Variants in IDI2 observed in about 807,000 individuals in gnomAD.
IDI2 encodes isopentenyl-diphosphate delta isomerase 2.
IDI2 carries 18 observed loss-of-function variants against 14.8 expected under a neutral mutation model. That is an observed-to-expected ratio of 1.22 (90% confidence interval 0.84 to 1.80). The LOEUF (loss-of-function observed/expected upper bound fraction) is 1.80. Ranked by LOEUF, IDI2 falls within the 40% of genes most tolerant of loss-of-function variation. The probability of loss-of-function intolerance (pLI) is 0.00; values close to 1 mark genes in which losing one functional copy is unlikely to be tolerated. For synonymous variants in IDI2, 133 were observed against 109.6 expected (o/e 1.21, Z -1.33); for missense variants, 316 against 283.2 (o/e 1.12, Z -0.83).
chr10:1,024,566 A>G lies in IDI2; in HGVS notation c.142+16T>C, dbSNP rs1202617814. 2 of 1,613,542 alleles carry G rather than the reference A, an allele frequency of 1.2e-6. No individual in the cohort carries two copies. The highest frequency in any genetic ancestry group is 2.2e-5 in the South Asian group (2 of 91,048). ...AAAACCCTGGGAACTGGACAGAGAA[A>G]ATGGGCGGGGGCTACCTTTCTCAAT... On this transcript the variant is annotated intron_variant, in intron 2 of 4. Coordinates refer to ENST00000277517, the MANE Select transcript of IDI2 (RefSeq NM_033261.3).
intron 1 of IDI2, among the ~76,000 whole-genome samples, chr10:1,025,042 A>G (rs1176381325): frequency 1.0e-5 from 1 of 96,522 alleles, no homozygotes; most frequent in African/African-American, 4.1e-5. Context: ...ACACACACAC[A>G]CACACACACA....
chr10:1,020,798 A>G lies in IDI2; in HGVS notation c.335T>C (p.Leu112Pro). The G allele has an allele frequency of 6.2e-7, 1 of 1,613,446 alleles. No individual in the cohort carries two copies. The highest frequency in any genetic ancestry group is 8.5e-7 in the Non-Finnish European group (1 of 1,179,806). The change falls in exon 4 of 5, where the codon CTG becomes CCG. Residue 112 changes from leucine (L) to proline (P), a missense_variant. Coordinates refer to ENST00000277517, the MANE Select transcript of IDI2 (RefSeq NM_033261.3). ...CCCAGGAATTCCCAGCTCTGCTTGCAGACGCCTCTGGGCTGCCCTCCTCAC... is the reference window on the plus strand; with the variant it reads ...CCCAGGAATTCCCAGCTCTGCTTGCGGACGCCTCTGGGCTGCCCTCCTCAC... Reference protein sequence around the residue: ...IGVRRAAQRRLQAELGIPGEQ... With the variant: ...IGVRRAAQRRPQAELGIPGEQ...
intron 3 of IDI2, among the ~76,000 whole-genome samples, chr10:1,021,891 GT>G (rs1257695364): frequency 6.6e-6 from 1 of 152,188 alleles, no homozygotes; most frequent in Non-Finnish European, 1.5e-5. Context: ...GCAAGGTCTG[GT>G]TTTGAAAATT....
At chr10:1,023,609 T>G (rs1832156455) in intron 2 of IDI2, among the ~76,000 whole-genome samples, 1 of 152,096 alleles carries the variant, frequency 6.6e-6, no homozygotes, top group South Asian at 2.1e-4. Flanking sequence ...CTATGTGGGC[T>G]CTAAAGAAGT....
intron 2 of IDI2, among the ~76,000 whole-genome samples, chr10:1,024,268 T>A (rs1832171024): frequency 6.6e-6 from 1 of 152,176 alleles, no homozygotes; most frequent in Non-Finnish European, 1.5e-5. Context: ...GGGACGGGGT[T>A]GAGGAATTTA....
intron 4 of IDI2, 92 bp downstream of exon 4, chr10:1,020,675 A>G (rs557937881): frequency 2.7e-4 from 350 of 1,308,418 alleles, no homozygotes; most frequent in South Asian, 6.9e-4. Context: ...CATGAGGTCA[A>G]TGGTGTAGAT....
chr10:1,021,148 G>C (rs113243524), intron 3 of IDI2, among the ~76,000 whole-genome samples: 38 of 152,314 alleles, frequency 2.5e-4, no homozygotes, highest in African/African-American at 8.9e-4. Flanking sequence ...CCTTCCTGCA[G>C]ATGTGCACAC....
chr10:1,024,588 C>G lies in IDI2; in HGVS notation c.136G>C (p.Glu46Gln). ...KRNCHLNENI[E>Q]KGLLHRAFSV... ...GAAAATGGGCGGGGGCTACCTTTCT[C>G]AATGTTTTCGTTCAGATGGCAATTC... Residue 46 changes from glutamate to glutamine, a missense_variant, in exon 2 of 5, where the codon GAG (glutamate) becomes CAG (glutamine). Glu to Gln is a conservative substitution (Grantham distance 29). Coordinates refer to ENST00000277517, the MANE Select transcript of IDI2 (RefSeq NM_033261.3). The G allele has an allele frequency of 2.5e-6, 4 of 1,614,008 alleles. No homozygotes were observed. The highest frequency in any genetic ancestry group is 3.4e-6 in the Non-Finnish European group (4 of 1,179,986).
chr10:1,020,604 C>A (rs1832074630), intron 4 of IDI2, among the ~76,000 whole-genome samples, 163 bp downstream of exon 4: 1 of 152,076 alleles, frequency 6.6e-6, no homozygotes, highest in Non-Finnish European at 1.5e-5. Context: ...CCATTCACAG[C>A]CCCATTCACA....
At chr10:1,023,471 G>C (rs2132186679) in intron 2 of IDI2, among the ~76,000 whole-genome samples, 1 of 142,906 alleles carries the variant, frequency 7.0e-6, no homozygotes, top group Non-Finnish European at 1.5e-5. Flanking sequence ...GCAAGACTCT[G>C]TCTCAAAAAA....
rs142054626 is a variant in IDI2 at position 1,019,712 on chromosome 10, C to T, written c.489G>A (p.Pro163=). The T allele has an allele frequency of 2.0e-4, 324 of 1,613,996 alleles. No individual in the cohort carries two copies. Among genetic ancestry groups the T allele is most frequent in the East Asian group, 6.9e-4 (31 of 44,828 alleles). The stretch of plus-strand genomic sequence containing the variant: ...GGATGCTTTTCGTTTCACTGGGATC[C>T]GGGTTCAGAGTGACGTTTTTCCTCA... ...LLVRKNVTLN[P]DPSETKSILY... The change falls in exon 5 of 5, where the codon CCG becomes CCA. Residue 163 remains proline, a synonymous_variant. Transcript: ENST00000277517.
At chr10:1,019,982 A>C in intron 4 of IDI2, 148 bp from the exon 5 acceptor site, 1 of 672,054 alleles carries the variant, frequency 1.5e-6, no homozygotes, top group Non-Finnish European at 2.5e-6. Flanking sequence ...GATTTTAGCT[A>C]AGTAAATTTT....
intron 4 of IDI2, 138 bp downstream of exon 4, chr10:1,020,629 C>G: frequency 2.4e-6 from 2 of 841,338 alleles, no homozygotes; most frequent in Non-Finnish European, 3.6e-6. Flanking sequence ...ATTCACAGCC[C>G]CATCCACAGC....
intron 3 of IDI2, 110 bp downstream of exon 3, chr10:1,022,573 C>T (rs374887993): frequency 2.5e-6 from 2 of 802,096 alleles, no homozygotes; most frequent in East Asian, 5.0e-5. Flanking sequence ...GATGAGCTGC[C>T]AGCTCACCAC....
At chr10:1,022,407 TC>T (rs1480693535) in intron 3 of IDI2, among the ~76,000 whole-genome samples, 2 of 152,214 alleles carry the variant, frequency 1.3e-5, no homozygotes, top group African/African-American at 4.8e-5. Context: ...GTTGATAAAT[TC>T]CTCTGCATTT....
At position 1,019,559 on chromosome 10, in the gene IDI2, G is replaced by C; in HGVS notation, c.642C>G (p.Asp214Glu). The change falls in exon 5 of 5, where the codon GAC (aspartate) becomes GAG (glutamate). Residue 214 changes from aspartate to glutamate, a missense_variant. Transcript: ENST00000277517. The stretch of plus-strand genomic sequence containing the variant: ...TGTGAAGCTCCACAAACGGGGTCAC[G>C]TCATCCAGGTGAGGCCACCACCGGT... ...FLYRWWPHLD[D>E]VTPFVELHKI... The C allele has an allele frequency of 6.2e-7, 1 of 1,613,698 alleles. No homozygotes were observed. The highest frequency in any genetic ancestry group is 1.7e-4 in the Middle Eastern group (1 of 6,060).
intron 1 of IDI2, among the ~76,000 whole-genome samples, chr10:1,025,268 G>A (rs1196454514): frequency 5.9e-5 from 9 of 152,078 alleles, no homozygotes; most frequent in South Asian, 2.1e-4. Flanking sequence ...GGCCAGGAGC[G>A]GTGGCTCACG....
Position 1,019,637 on chromosome 10 carries a change from C to G in IDI2, c.564G>C (p.Arg188Ser), listed in dbSNP as rs1589035534. The change falls in exon 5 of 5, where the codon AGG becomes AGC. Residue 188 changes from arginine to serine, a missense_variant. By Grantham distance (110) the Arg-to-Ser change is moderately radical. Transcript: ENST00000277517. ...GCCAGGGGGTGACTTTGACTTCACC[C>G]CTCGCCTCCCTCTCCAGCAGCTCCC... The part of the protein sequence containing the change: ...ELWELLEREA[R>S]GEVKVTPWLR... The G allele has an allele frequency of 6.2e-7, 1 of 1,614,034 alleles. No individual in the cohort carries two copies. The highest frequency in any genetic ancestry group is 8.5e-7 in the Non-Finnish European group (1 of 1,180,014).
rs1390266715 is a variant in IDI2, at chr10:1,024,649, A to G, written c.75T>C (p.Asp25=). The G allele has an allele frequency of 1.2e-6, 2 of 1,614,042 alleles. No individual in the cohort carries two copies. Among genetic ancestry groups the G allele is most frequent in the East Asian group, 2.2e-5 (1 of 44,902 alleles). ...QRLEEMLIVV[D]ENDKVIGADT... ...CGGCACCAATAACCTTATCATTCTC[A>G]TCCACAACAATCAGCATTTCCTCCA... The change falls in exon 2 of 5, where the codon GAT becomes GAC. Residue 25 remains aspartate, a synonymous_variant. Transcript: ENST00000277517.
Sources: allele counts gnomAD v4.1 joint callset (sites outside exome capture counted in the v4.1 genomes callset), GRCh38; gene constraint gnomAD v4.1.1; transcripts MANE v1.5; gene names NCBI Gene and HGNC (gene_info 2026-07-23, HGNC 2026-07-21).